Variants in SYT9 observed in about 807,000 individuals in gnomAD.
SYT9 encodes the protein synaptotagmin-9.
A neutral mutation model predicts 48.4 loss-of-function variants in SYT9; 22 were observed. The observed-to-expected ratio is 0.45, with a 90% CI of 0.32 to 0.65. The LOEUF (loss-of-function observed/expected upper bound fraction) is 0.65, where lower values mean the gene tolerates loss of function less well. Among genes scored for constraint, SYT9 ranks in the 30% least tolerant of loss-of-function variants. The pLI is 0.03. For missense variants in SYT9, 577 were observed against 622.0 expected (o/e 0.93, Z 0.77); for synonymous variants, 265 against 245.0 (o/e 1.08, Z -0.76).
chr11:7,290,510 A>G (rs557769641), intron 1 of SYT9, among the ~76,000 whole-genome samples: 1 of 152,328 alleles, frequency 6.6e-6, no homozygotes, highest in Admixed American at 6.5e-5. Flanking sequence ...GAAACACTGT[A>G]TCATTTTCAA....
At chr11:7,397,283 A>G (rs1321931913) in intron 3 of SYT9, among the ~76,000 whole-genome samples, 1 of 152,160 alleles carries the variant, frequency 6.6e-6, no homozygotes, top group African/African-American at 2.4e-5. Context: ...TAAATTATGC[A>G]GCACCCTTCT....
At chr11:7,414,994 T>C (rs958020147) in intron 3 of SYT9, among the ~76,000 whole-genome samples, 7 of 152,188 alleles carry the variant, frequency 4.6e-5, no homozygotes, top group East Asian at 3.8e-4. Flanking sequence ...TGGCTTTTTT[T>C]CCCTCCTTTC....
In SYT9 at chr11:7,410,465, G is replaced by A. The variant is rs1847115549; in HGVS notation, c.1045-5577G>A. On this transcript the variant is annotated intron_variant, in intron 3 of 6. Coordinates refer to ENST00000318881, the MANE Select transcript of SYT9 (RefSeq NM_175733.4). ...TGAATTTCCCCAATATTATTTTATG[G>A]GAGTCTGTCTCTCTCTTTAGCTCTA... Among the ~76,000 whole-genome samples the A allele has an allele frequency of 2.0e-5, 3 of 152,208 alleles. No homozygotes were observed. In the South Asian group the frequency reaches 6.2e-4, roughly 32 times the overall value.
intron 2 of SYT9, 133 bp from the exon 3 acceptor site, chr11:7,313,262 C>A: frequency 1.1e-6 from 1 of 879,312 alleles, no homozygotes; most frequent in Non-Finnish European, 1.7e-6. Flanking sequence ...TTAGGCCACA[C>A]ACACACAAAA....
intron 2 of SYT9, among the ~76,000 whole-genome samples, chr11:7,307,661 T>C (rs1313360495): frequency 1.3e-5 from 2 of 152,170 alleles, no homozygotes; most frequent in Non-Finnish European, 2.9e-5. Flanking sequence ...ATTTGTTCTT[T>C]AGAAGATTAA....
At chr11:7,432,573 A>AT (rs1847611345) in intron 6 of SYT9, among the ~76,000 whole-genome samples, 1 of 12,840 alleles carries the variant, frequency 7.8e-5, no homozygotes, top group South Asian at 3.8e-3. Context: ...AAAAAAAAAA[A>AT]AAAAAAAAAA....
chr11:7,276,049 A>T (rs920910440), intron 1 of SYT9, among the ~76,000 whole-genome samples: 1 of 152,174 alleles, frequency 6.6e-6, no homozygotes, highest in Non-Finnish European at 1.5e-5. Flanking sequence ...GTGTCCAAAT[A>T]TTAAGTGAGT....
At chr11:7,374,411 T>A (rs1239785550) in intron 3 of SYT9, among the ~76,000 whole-genome samples, 2 of 152,194 alleles carry the variant, frequency 1.3e-5, no homozygotes, top group Admixed American at 1.3e-4. Context: ...GTAGAATGAT[T>A]TATAATCCAC....
intron 5 of SYT9, among the ~76,000 whole-genome samples, chr11:7,419,772 C>G (rs1028567335): frequency 2.0e-5 from 3 of 152,134 alleles, no homozygotes; most frequent in African/African-American, 7.2e-5. Context: ...TGGCATGCAC[C>G]TGTAATCCCA....
At chr11:7,318,923 T>C (rs1191675575) in intron 3 of SYT9, among the ~76,000 whole-genome samples, 1 of 152,244 alleles carries the variant, frequency 6.6e-6, no homozygotes, top group Non-Finnish European at 1.5e-5. Context: ...ATGCATGTAA[T>C]ATGCTGTCTT....
intron 3 of SYT9, among the ~76,000 whole-genome samples, chr11:7,357,715 TTCC>T (rs1176825351): frequency 1.3e-5 from 2 of 152,110 alleles, no homozygotes; most frequent in Non-Finnish European, 2.9e-5. Flanking sequence ...CTACTCAACT[TTCC>T]TCTCCTCCCT....
chr11:7,248,886 G>C (rs1847825988), upstream of SYT9, among the ~76,000 whole-genome samples: 1 of 152,038 alleles, frequency 6.6e-6, no homozygotes, highest in African/African-American at 2.4e-5. Flanking sequence ...GCAAGACTAA[G>C]CAAAAAGAGC....
rs145817298 is a variant in SYT9 at position 7,453,438 on chromosome 11, C to T, written c.1468-13354C>T. The stretch of plus-strand genomic sequence containing the variant: ...CATTCAGCCAGTGTTTACTGAGCCC[C>T]GCCATATGCCACATGCTATTCCCAA... On this transcript the variant is annotated intron_variant, in intron 6 of 6. Transcript: ENST00000318881. Among the ~76,000 whole-genome samples the T allele has an allele frequency of 1.5e-3, 225 of 152,286 alleles. 1 individual carries two copies. The highest frequency in any genetic ancestry group is 2.0e-3 in the Non-Finnish European group (134 of 68,024).
In SYT9 at chr11:7,404,395, G is replaced by A. The variant is rs145885823; in HGVS notation, c.1045-11647G>A. The stretch of plus-strand genomic sequence containing the variant: ...ATCTTTTTCTCTTTTCCTTTTCGCT[G>A]CCTTTTTTGGATTAACTGAATATTT... On this transcript the variant is annotated intron_variant, in intron 3 of 6. Coordinates refer to ENST00000318881, the MANE Select transcript of SYT9 (RefSeq NM_175733.4). Among the ~76,000 whole-genome samples the A allele has an allele frequency of 3.7e-3, 557 of 151,894 alleles. 1 individual carries two copies. The highest frequency in any genetic ancestry group is 1.0e-2 in the African/African-American group (413 of 41,450).
intron 1 of SYT9, among the ~76,000 whole-genome samples, chr11:7,299,141 A>G (rs1848867028): frequency 6.6e-6 from 1 of 152,222 alleles, no homozygotes; most frequent in African/African-American, 2.4e-5. Context: ...TATCTCATGA[A>G]CACATGTAAA....
intron 6 of SYT9, among the ~76,000 whole-genome samples, chr11:7,443,412 A>G (rs1347901309): frequency 6.6e-6 from 1 of 152,240 alleles, no homozygotes; most frequent in Non-Finnish European, 1.5e-5. Context: ...CAGCAAGGAT[A>G]GGGCATGGGG....
chr11:7,369,968 G>A (rs1049244485), intron 3 of SYT9, among the ~76,000 whole-genome samples: 7 of 151,802 alleles, frequency 4.6e-5, no homozygotes, highest in Admixed American at 2.0e-4. Context: ...GTTGTTTAAC[G>A]GTGATTTGTG....
chr11:7,433,805 G>A (rs1847654247), intron 6 of SYT9, among the ~76,000 whole-genome samples: 1 of 152,160 alleles, frequency 6.6e-6, no homozygotes, highest in Admixed American at 6.5e-5. Flanking sequence ...CAGCCTCAAG[G>A]ACTGTGAGCA....
chr11:7,256,863 C>T (rs1323130318), intron 1 of SYT9, among the ~76,000 whole-genome samples: 2 of 152,114 alleles, frequency 1.3e-5, no homozygotes, highest in African/African-American at 2.4e-5. Flanking sequence ...AGCCTTAAGA[C>T]TCATGATTAG....
Sources: gnomAD v4.1 joint callset for allele counts (sites outside exome capture counted in the v4.1 genomes callset) on GRCh38, gnomAD v4.1.1 for gene constraint, MANE v1.5 for transcripts, NCBI Gene and HGNC (gene_info 2026-07-23, HGNC 2026-07-21) for gene names.